The following AUTS2 variants were observed in gnomAD, a reference collection of about 807,000 sequenced individuals.
AUTS2 encodes the protein activator of transcription and developmental regulator AUTS2.
AUTS2 carries 17 observed loss-of-function variants against 112.4 expected under a neutral mutation model. That is an observed-to-expected ratio of 0.15 (90% confidence interval 0.10 to 0.23). The LOEUF (loss-of-function observed/expected upper bound fraction) is 0.23. Among genes scored for constraint, AUTS2 ranks in the 10% least tolerant of loss-of-function variants. The pLI is 1.00. For missense variants in AUTS2, 1,510 were observed against 1,701.6 expected, an observed-to-expected ratio of 0.89 and a Z score of 1.98; for synonymous variants, 751 against 702.7, an observed-to-expected ratio of 1.07 and a Z score of -1.09.
At position 69,891,774 on chromosome 7, in the gene AUTS2, CTTTTTTTTTTTTTTTTTTTTTT is replaced by C. The variant is rs763424098; in HGVS notation, c.310-7496_310-7475del. 7.5e-4 allele frequency among the ~76,000 whole-genome samples: 20 copies of C among 26,738 alleles called. 1 individual carries two copies. Among genetic ancestry groups the C allele is most frequent in the South Asian group, 6.4e-3 (3 of 470 alleles). 17.5% of individuals were successfully genotyped at this position (26,738 alleles called of 152,430 possible). On this transcript the variant is annotated intron_variant, in intron 1 of 18. Transcript: ENST00000342771. ...ATTCATTCACTTTCCAGACAGATAT[CTTTTTTTTTTTTTTTTTTTTTT>C]TTTTTTTTTTTTTTTGAGATGGAGT...
chr7:70,174,516 T>C (rs779557787), intron 4 of AUTS2, among the ~76,000 whole-genome samples: 12 of 152,158 alleles, frequency 7.9e-5, no homozygotes, highest in Non-Finnish European at 1.8e-4. Context: ...CAGCCTTCTA[T>C]TAGAAGAAGA....
intron 6 of AUTS2, among the ~76,000 whole-genome samples, chr7:70,746,884 G>A (rs945821838): frequency 6.6e-6 from 1 of 152,214 alleles, no homozygotes; most frequent in Non-Finnish European, 1.5e-5. Context: ...CACTCAGGGT[G>A]CTGGCGGACA....
chr7:69,894,252 G>GTGTTTTTTT (rs1794644443), intron 1 of AUTS2, among the ~76,000 whole-genome samples: 1 of 36,740 alleles, frequency 2.7e-5, no homozygotes. Flanking sequence ...GCCTTAAAGC[G>GTGTTTTTTT]TTTTTTTTTT....
At chr7:69,730,061 G>A (rs1165038192) in intron 1 of AUTS2, among the ~76,000 whole-genome samples, 10 of 125,130 alleles carry the variant, frequency 8.0e-5, no homozygotes, top group Non-Finnish European at 1.4e-4. Flanking sequence ...GTTTGGTCTC[G>A]AACTCCTAGG....
intron 4 of AUTS2, among the ~76,000 whole-genome samples, chr7:70,419,903 T>C (rs1795145556): frequency 1.3e-5 from 2 of 152,212 alleles, no homozygotes; most frequent in South Asian, 4.1e-4. Flanking sequence ...GCCATTTATA[T>C]TTCCTCTTCC....
chr7:69,876,925 A>G (rs573232242), intron 1 of AUTS2, among the ~76,000 whole-genome samples: 7 of 152,262 alleles, frequency 4.6e-5, no homozygotes, highest in Middle Eastern at 3.4e-3. Context: ...AGTGAAGTCT[A>G]TGGGCCAGAT....
At chr7:70,360,853 GT>G (rs547788799) in intron 4 of AUTS2, among the ~76,000 whole-genome samples, 72 of 152,186 alleles carry the variant, frequency 4.7e-4, no homozygotes, top group Non-Finnish European at 9.8e-4. Flanking sequence ...CTTTTCTGGA[GT>G]TTAAGCCTCA....
At chr7:70,068,042 T>A (rs1176726849) in intron 2 of AUTS2, among the ~76,000 whole-genome samples, 1 of 152,138 alleles carries the variant, frequency 6.6e-6, no homozygotes, top group African/African-American at 2.4e-5. Flanking sequence ...AAGTGTAACA[T>A]ATAATAATAT....
At chr7:70,684,354 A>C (rs1411332373) in intron 5 of AUTS2, among the ~76,000 whole-genome samples, 2 of 152,214 alleles carry the variant, frequency 1.3e-5, no homozygotes, top group African/African-American at 4.8e-5. Context: ...CTACTTGTAT[A>C]TCCCAGGAAT....
chr7:70,680,198 A>C (rs1808136183), intron 5 of AUTS2, among the ~76,000 whole-genome samples: 1 of 152,190 alleles, frequency 6.6e-6, no homozygotes, highest in African/African-American at 2.4e-5. Flanking sequence ...ATATTAATAG[A>C]AGGAGGAAAA....
At chr7:70,646,686 G>C (rs1479480865) in intron 5 of AUTS2, among the ~76,000 whole-genome samples, 1 of 152,254 alleles carries the variant, frequency 6.6e-6, no homozygotes. Context: ...GCATCGAACA[G>C]ACTGTGCCGC....
intron 1 of AUTS2, among the ~76,000 whole-genome samples, chr7:69,767,056 C>T (rs1015196756): frequency 2.0e-5 from 3 of 152,188 alleles, no homozygotes; most frequent in Admixed American, 1.3e-4. Flanking sequence ...CCATAGGTCG[C>T]GCATGTGCGC....
intron 4 of AUTS2, among the ~76,000 whole-genome samples, chr7:70,217,019 C>T (rs1228553533): frequency 6.6e-6 from 1 of 152,076 alleles, no homozygotes; most frequent in Admixed American, 6.5e-5. Context: ...AAGCAATTTT[C>T]GTGTTTCTGT....
At chr7:70,139,027 G>A (rs1263721724) in intron 4 of AUTS2, among the ~76,000 whole-genome samples, 3 of 152,286 alleles carry the variant, frequency 2.0e-5, no homozygotes, top group South Asian at 4.1e-4. Flanking sequence ...GTGCAGTGGT[G>A]TAGTCACAGC....
At chr7:70,250,855 G>A (rs1174434445) in intron 4 of AUTS2, among the ~76,000 whole-genome samples, 1 of 152,060 alleles carries the variant, frequency 6.6e-6, no homozygotes, top group Non-Finnish European at 1.5e-5. Flanking sequence ...AGACACTGGG[G>A]CCTACTTGAG....
At chr7:70,303,173 T>G (rs935288812) in intron 4 of AUTS2, among the ~76,000 whole-genome samples, 2 of 152,180 alleles carry the variant, frequency 1.3e-5, no homozygotes, top group Non-Finnish European at 2.9e-5. Context: ...GCCTTGGCAT[T>G]GCCATATGCT....
At chr7:70,056,996 C>T (rs1021358316) in intron 2 of AUTS2, among the ~76,000 whole-genome samples, 4 of 152,148 alleles carry the variant, frequency 2.6e-5, no homozygotes, top group Non-Finnish European at 5.9e-5. Context: ...ATATATAATA[C>T]GTGACTATAA....
chr7:69,966,796 C>T (rs561110706), intron 2 of AUTS2, among the ~76,000 whole-genome samples: 1 of 152,152 alleles, frequency 6.6e-6, no homozygotes, highest in African/African-American at 2.4e-5. Context: ...GTGCTGATGC[C>T]ATTTCACACT....
At chr7:69,834,822 C>T (rs1356898129) in intron 1 of AUTS2, among the ~76,000 whole-genome samples, 1 of 152,196 alleles carries the variant, frequency 6.6e-6, no homozygotes, top group East Asian at 1.9e-4. Context: ...TGAGCTTGGG[C>T]CTGAAGCAGC....
Sources: allele counts gnomAD v4.1 joint callset (sites outside exome capture counted in the v4.1 genomes callset), GRCh38; gene constraint gnomAD v4.1.1; transcripts MANE v1.5; gene names NCBI Gene and HGNC (gene_info 2026-07-23, HGNC 2026-07-21).